The following P2RY14 variants were observed in gnomAD, a reference collection of about 807,000 sequenced individuals.
P2RY14 encodes the protein purinergic receptor P2Y14.
In P2RY14, 2 loss-of-function variants were observed where a neutral mutation model predicts 0.9. The ratio of observed to expected loss-of-function variants is 2.16; its 90% CI spans 0.88 to 6.79. The LOEUF (loss-of-function observed/expected upper bound fraction) is 6.79, where lower values mean the gene tolerates loss of function less well. P2RY14 is among the 30% of genes most tolerant of loss of function. The probability of loss-of-function intolerance (pLI) is 0.05; values close to 1 mark genes in which losing one functional copy is unlikely to be tolerated. For synonymous variants in P2RY14, 158 were observed against 147.2 expected, an observed-to-expected ratio of 1.07 and a Z score of -0.53; for missense variants, 378 against 400.1, an observed-to-expected ratio of 0.94 and a Z score of 0.47.
At chr3:151,232,705 A>G (rs1257220814) in intron 1 of P2RY14, among the ~76,000 whole-genome samples, 6 of 152,182 alleles carry the variant, frequency 3.9e-5, no homozygotes, top group Non-Finnish European at 7.3e-5. Context: ...CAAATACCAC[A>G]TGTTCTCACT....
At chr3:151,258,138 A>G (rs1258505175) in intron 1 of P2RY14, among the ~76,000 whole-genome samples, 1 of 152,098 alleles carries the variant, frequency 6.6e-6, no homozygotes, top group Non-Finnish European at 1.5e-5. Context: ...CCTGGGATTC[A>G]TTTTCTTCCA....
intron 1 of P2RY14, among the ~76,000 whole-genome samples, chr3:151,240,759 T>C (rs1356957186): frequency 2.0e-5 from 3 of 152,364 alleles, no homozygotes; most frequent in East Asian, 3.9e-4. Context: ...CACTCTTGCA[T>C]CTAACTTGTA....
At chr3:151,242,482 G>A (rs1411009792) in intron 1 of P2RY14, among the ~76,000 whole-genome samples, 1 of 152,106 alleles carries the variant, frequency 6.6e-6, no homozygotes, top group Non-Finnish European at 1.5e-5. Flanking sequence ...CAGCCTAACT[G>A]GGAGGCACCC....
At chr3:151,245,886 A>C (rs1163297283) in intron 1 of P2RY14, among the ~76,000 whole-genome samples, 7 of 151,778 alleles carry the variant, frequency 4.6e-5, no homozygotes, top group African/African-American at 1.7e-4. Context: ...GTTTCAGCCC[A>C]AAATCTCCTT....
chr3:151,219,386 A>G (rs974248519), intron 2 of P2RY14, 149 bp downstream of exon 2: 6 of 152,334 alleles, frequency 3.9e-5, no homozygotes, highest in Non-Finnish European at 7.4e-5. Context: ...ATTATATACC[A>G]TGACCTATTT....
At chr3:151,214,368 A>G in intron 2 of P2RY14, 28 bp from the exon 3 acceptor site, 1 of 1,471,284 alleles carries the variant, frequency 6.8e-7, no homozygotes, top group African/African-American at 1.4e-5. Flanking sequence ...CTGGTCACTC[A>G]TAGGGCACTT....
intron 1 of P2RY14, among the ~76,000 whole-genome samples, chr3:151,242,959 C>T (rs543479385): frequency 0.02 from 3,039 of 151,254 alleles, 84 homozygotes; most frequent in African/African-American, 0.071. Flanking sequence ...TCGAGAACTA[C>T]GTGAAGAATG....
In P2RY14 at chr3:151,222,069, C is replaced by T. The variant is rs1018448658; in HGVS notation, c.-132-2427G>A. 2.6e-5 allele frequency among the ~76,000 whole-genome samples: 4 copies of T among 152,186 alleles called. No homozygotes were observed. In the East Asian group the frequency reaches 5.8e-4, roughly 22 times the overall value. ...CAAAGGAGATCGTTTGGGAAGTTTA[C>T]GATTTGACTGTCCTGCTGGATTTTG... On this transcript the variant is annotated intron_variant, in intron 1 of 2. Transcript: ENST00000309170.
At chr3:151,273,402 ATTT>A (rs531443713) in intron 1 of P2RY14, among the ~76,000 whole-genome samples, 1 of 113,670 alleles carries the variant, frequency 8.8e-6, no homozygotes. Context: ...TAATTTTTGT[ATTT>A]TTTTTTTTTT....
rs63035061 is a variant in P2RY14, at chr3:151,273,227, CT to C, written c.-133+5059del. ...TGACAGCAATAAACATTGTTGTGTT[CT>C]TTTTTTTTTTTTTTTTTTTTGAGAT... On this transcript the variant is annotated intron_variant, in intron 1 of 2. Coordinates refer to ENST00000309170, the MANE Select transcript of P2RY14 (RefSeq NM_014879.4). Among the ~76,000 whole-genome samples the C allele has an allele frequency of 7.8e-3, 826 of 106,162 alleles. 3 individuals are homozygous for C. The highest frequency in any genetic ancestry group is 0.022 in the African/African-American group (646 of 28,860). The allele number at this position is 106,162 out of a possible 152,430, so 69.6% of individuals were successfully genotyped here.
chr3:151,268,060 C>T (rs1240182077), intron 1 of P2RY14, among the ~76,000 whole-genome samples: 1 of 152,146 alleles, frequency 6.6e-6, no homozygotes, highest in East Asian at 1.9e-4. Context: ...GCTGGAAATG[C>T]TCTGTTTTAA....
intron 1 of P2RY14, among the ~76,000 whole-genome samples, chr3:151,265,307 TAA>T (rs999463842): frequency 2.0e-5 from 3 of 152,088 alleles, no homozygotes; most frequent in African/African-American, 7.2e-5. Flanking sequence ...CTTTTAAAGT[TAA>T]AGAGATCAGG....
intron 1 of P2RY14, among the ~76,000 whole-genome samples, chr3:151,261,004 C>T (rs1017732633): frequency 6.6e-6 from 1 of 151,972 alleles, no homozygotes; most frequent in African/African-American, 2.4e-5. Flanking sequence ...CTGTGTGTTG[C>T]AGGGCAAGCA....
chr3:151,247,556 G>A (rs1033775012), intron 1 of P2RY14, among the ~76,000 whole-genome samples: 87 of 144,930 alleles, frequency 6.0e-4, no homozygotes, highest in Non-Finnish European at 1.1e-3. Context: ...GGTGGGAATT[G>A]AACAATGAGA....
intron 1 of P2RY14, among the ~76,000 whole-genome samples, chr3:151,220,114 C>T (rs1211144053): frequency 6.8e-6 from 1 of 147,862 alleles, no homozygotes; most frequent in African/African-American, 2.5e-5. Context: ...GTTCTGACTT[C>T]TGCCTACTAG....
intron 1 of P2RY14, among the ~76,000 whole-genome samples, chr3:151,224,697 G>A (rs1347328489): frequency 6.6e-6 from 1 of 152,120 alleles, no homozygotes; most frequent in South Asian, 2.1e-4. Flanking sequence ...TCATCACCCA[G>A]AGCATTTAAA....
chr3:151,239,870 A>T (rs1052699531), intron 1 of P2RY14, among the ~76,000 whole-genome samples: 29 of 152,242 alleles, frequency 1.9e-4, no homozygotes, highest in African/African-American at 6.5e-4. Context: ...ACCACATTTT[A>T]TGAAGAGTAA....
rs917135261 is a variant in P2RY14, at chr3:151,257,300, C to T, written c.-133+20987G>A. Among the ~76,000 whole-genome samples the T allele has an allele frequency of 8.5e-5, 13 of 152,166 alleles. No homozygotes were observed. The East Asian group carries it at 1.3e-3, about 16-fold the overall frequency. ...AAATATTTTCAGAACCTTTCCACTG[C>T]GTATTAATCTCTTAGACAGTTGAAA... On this transcript the variant is annotated intron_variant, in intron 1 of 2. Transcript: ENST00000309170.
intron 1 of P2RY14, among the ~76,000 whole-genome samples, chr3:151,229,767 C>T (rs7620353): frequency 0.87 from 131,649 of 152,118 alleles, 57,204 homozygotes; most frequent in African/African-American, 0.95. Context: ...GCCAGGCGAA[C>T]TGAGCAATTC....
Sources: gnomAD v4.1 joint callset for allele counts (sites outside exome capture counted in the v4.1 genomes callset) on GRCh38, gnomAD v4.1.1 for gene constraint, MANE v1.5 for transcripts, NCBI Gene and HGNC (gene_info 2026-07-23, HGNC 2026-07-21) for gene names.